The following LOC128125817 variants were observed in gnomAD, a reference collection of about 807,000 sequenced individuals.
the LOC128125817 span, among the ~76,000 whole-genome samples, chr1:41,601,622 T>C: frequency 3.9e-5 from 6 of 152,196 alleles, no homozygotes; most frequent in Non-Finnish European, 7.4e-5. Flanking sequence ...CTAAATTTGT[T>C]AATTAGTTCT....
chr1:41,627,362 A>G, the LOC128125817 span, among the ~76,000 whole-genome samples: 8 of 152,210 alleles, frequency 5.3e-5, no homozygotes, highest in Admixed American at 5.2e-4. Flanking sequence ...AACCACTAAG[A>G]GTCGGGGCTG....
the LOC128125817 span, among the ~76,000 whole-genome samples, chr1:41,619,070 C>T: frequency 6.6e-6 from 1 of 152,070 alleles, no homozygotes; most frequent in Non-Finnish European, 1.5e-5. Context: ...CACTCCTCTG[C>T]TCAGGCCTCC....
At chr1:41,607,530 C>A in the LOC128125817 span, among the ~76,000 whole-genome samples, 1 of 144,388 alleles carries the variant, frequency 6.9e-6, no homozygotes, top group Non-Finnish European at 1.5e-5. Flanking sequence ...GTTAAGGATA[C>A]TACTGATAAT....
At chr1:41,598,836 G>T in the LOC128125817 span, among the ~76,000 whole-genome samples, 1 of 85,796 alleles carries the variant, frequency 1.2e-5, no homozygotes, top group Non-Finnish European at 2.2e-5. Flanking sequence ...TTTATTTAGG[G>T]ACAGGATCTC....
the LOC128125817 span, among the ~76,000 whole-genome samples, chr1:41,605,162 AGAGGGGAGGG>A: frequency 0.033 from 1,657 of 50,758 alleles, 19 homozygotes; most frequent in Non-Finnish European, 0.043. Context: ...GGAGGGGTGG[AGAGGGGAGGG>A]GAGGGGAGGG....
the LOC128125817 span, among the ~76,000 whole-genome samples, chr1:41,596,106 G>A: frequency 6.6e-6 from 1 of 152,146 alleles, no homozygotes; most frequent in Non-Finnish European, 1.5e-5. Flanking sequence ...GATGGCTTCT[G>A]GACACTGGGA....
chr1:41,613,645 A>C, the LOC128125817 span, among the ~76,000 whole-genome samples: 3 of 152,252 alleles, frequency 2.0e-5, no homozygotes, highest in Non-Finnish European at 4.4e-5. Flanking sequence ...TATCTTTCTC[A>C]TAAACATAAC....
At chr1:41,592,696 A>C in the LOC128125817 span, among the ~76,000 whole-genome samples, 2 of 152,230 alleles carry the variant, frequency 1.3e-5, no homozygotes, top group Admixed American at 1.3e-4. Flanking sequence ...GGCCTGAGCT[A>C]TAGTTGCTGA....
the LOC128125817 span, among the ~76,000 whole-genome samples, chr1:41,624,940 T>C: frequency 0.59 from 89,374 of 151,326 alleles, 27,168 homozygotes; most frequent in African/African-American, 0.75. Context: ...CCGAGGTGGA[T>C]GGATCACAAG....
At chr1:41,589,593 A>T in the LOC128125817 span, among the ~76,000 whole-genome samples, 1 of 152,246 alleles carries the variant, frequency 6.6e-6, no homozygotes, top group Non-Finnish European at 1.5e-5. Context: ...TCCAGAGGGC[A>T]GGTGGGAGAT....
At chr1:41,613,663 A>G in the LOC128125817 span, among the ~76,000 whole-genome samples, 1 of 152,252 alleles carries the variant, frequency 6.6e-6, no homozygotes, top group Non-Finnish European at 1.5e-5. Context: ...AACTCTTTAA[A>G]TGCTGTCTAG....
the LOC128125817 span, among the ~76,000 whole-genome samples, chr1:41,592,796 G>C: frequency 6.6e-6 from 1 of 152,188 alleles, no homozygotes; most frequent in Non-Finnish European, 1.5e-5. Flanking sequence ...CTCAGGTCAG[G>C]GTATCCCACA....
chr1:41,591,883 C>T, the LOC128125817 span, among the ~76,000 whole-genome samples: 2 of 152,110 alleles, frequency 1.3e-5, no homozygotes, highest in Admixed American at 6.5e-5. Flanking sequence ...AGAGGCATGA[C>T]CGACCCAACG....
At chr1:41,603,358 G>A in the LOC128125817 span, among the ~76,000 whole-genome samples, 5 of 151,542 alleles carry the variant, frequency 3.3e-5, no homozygotes, top group East Asian at 1.9e-4. Context: ...GTGAGCCACC[G>A]TGCCTGGCCT....
chr1:41,615,434 G>C, the LOC128125817 span, among the ~76,000 whole-genome samples: 272 of 152,354 alleles, frequency 1.8e-3, 1 homozygote, highest in Middle Eastern at 3.4e-3. Flanking sequence ...CTTAGAGCTA[G>C]AGGGCACTTA....
chr1:41,588,583 CAGGGCCAGCACTG>C, the LOC128125817 span, among the ~76,000 whole-genome samples: 5 of 152,076 alleles, frequency 3.3e-5, no homozygotes, highest in Non-Finnish European at 7.4e-5. Context: ...CAGATGACTA[CAGGGCCAGCACTG>C]CCTGCCCAGG....
chr1:41,591,246 A>C, the LOC128125817 span, among the ~76,000 whole-genome samples: 2 of 152,148 alleles, frequency 1.3e-5, no homozygotes, highest in Non-Finnish European at 2.9e-5. Context: ...GCTGGTGCTC[A>C]AGAAATGAGA....
chr1:41,615,624 G>A, the LOC128125817 span, among the ~76,000 whole-genome samples: 1 of 152,168 alleles, frequency 6.6e-6, no homozygotes, highest in Non-Finnish European at 1.5e-5. Context: ...GAGTCTAACA[G>A]GAAAAGACTG....
At chr1:41,594,566 T>C in the LOC128125817 span, among the ~76,000 whole-genome samples, 1 of 152,336 alleles carries the variant, frequency 6.6e-6, no homozygotes, top group East Asian at 1.9e-4. Context: ...CTAGAGAGGC[T>C]TAGCATTTTT....
Sources: gnomAD v4.1 joint callset for allele counts (sites outside exome capture counted in the v4.1 genomes callset) on GRCh38, gnomAD v4.1.1 for gene constraint, MANE v1.5 for transcripts.